HERC1: variants seen among roughly 807,000 people sequenced by gnomAD.
The protein encoded by HERC1 is HECT and RLD domain containing E3 ubiquitin protein ligase family member 1.
A neutral mutation model predicts 554.3 loss-of-function variants in HERC1; 160 were observed. The ratio of observed to expected loss-of-function variants is 0.29; its 90% CI spans 0.25 to 0.33. HERC1 has a LOEUF of 0.33. Among genes scored for constraint, HERC1 ranks in the 10% least tolerant of loss-of-function variants. The probability of loss-of-function intolerance (pLI) is 1.00; values close to 1 mark genes in which losing one functional copy is unlikely to be tolerated. For missense variants in HERC1, 4,919 were observed against 5,918.5 expected, an observed-to-expected ratio of 0.83 and a Z score of 5.54; for synonymous variants, 2,175 against 2,131.7, an observed-to-expected ratio of 1.02 and a Z score of -0.56.
Position 63,680,119 on chromosome 15 carries a change from C to A in HERC1, c.6507G>T (p.Leu2169Phe). The change falls in exon 36 of 78, where the codon TTG becomes TTT. Residue 2169 changes from leucine to phenylalanine, a missense_variant. Physicochemically the swap from Leu to Phe is conservative, Grantham distance 22 (BLOSUM62 0). Coordinates refer to ENST00000443617, the MANE Select transcript of HERC1 (RefSeq NM_003922.4). The surrounding 1 kb of genome is among the most constrained non-coding windows in gnomAD (Gnocchi z 5.8). ...LAFEDVDAAE[L>F]YPCVMFYSSN... The stretch of plus-strand genomic sequence containing the variant: ...TACTATAGAACATCACACATGGGTA[C>A]AACTCTGCTGCATCCACATCTTCAA... 6.2e-7 allele frequency: 1 copy of A among 1,613,368 alleles called. No homozygotes were observed. The highest frequency in any genetic ancestry group is 8.5e-7 in the Non-Finnish European group (1 of 1,179,498).
intron 1 of HERC1, among the ~76,000 whole-genome samples, chr15:63,784,409 A>C (rs1254892999): frequency 6.6e-6 from 1 of 152,192 alleles, no homozygotes; most frequent in Admixed American, 6.5e-5. Context: ...TGTATACTGT[A>C]ATAGTTCATA....
At chr15:63,671,233 G>A (rs1369723029) in intron 39 of HERC1, among the ~76,000 whole-genome samples, 3 of 150,756 alleles carry the variant, frequency 2.0e-5, no homozygotes, top group Non-Finnish European at 4.4e-5. Context: ...TTAGCTGGGT[G>A]TGGTGGTACA....
intron 2 of HERC1, among the ~76,000 whole-genome samples, chr15:63,768,550 G>A (rs2075853254): frequency 6.6e-6 from 1 of 152,162 alleles, no homozygotes; most frequent in Admixed American, 6.5e-5. Flanking sequence ...GAGAAAAATC[G>A]CAATTGTGAT....
intron 38 of HERC1, among the ~76,000 whole-genome samples, 166 bp downstream of exon 38, chr15:63,674,176 T>C (rs1595942725): frequency 6.6e-6 from 1 of 150,464 alleles, no homozygotes; most frequent in Non-Finnish European, 1.5e-5. Context: ...AATAGAAAAA[T>C]AATAAAAAAG....
intron 74 of HERC1, 52 bp downstream of exon 74, chr15:63,622,763 G>A (rs2068139839): frequency 1.5e-6 from 2 of 1,350,592 alleles, no homozygotes; most frequent in South Asian, 1.3e-5. Flanking sequence ...CAATAAATGT[G>A]AGCTATTATT....
At chr15:63,742,725 ATTGT>A (rs1485666985) in intron 12 of HERC1, among the ~76,000 whole-genome samples, 1 of 151,972 alleles carries the variant, frequency 6.6e-6, no homozygotes, top group African/African-American at 2.4e-5. Context: ...AGATAATCAC[ATTGT>A]TTTTGTTCAT....
At chr15:63,674,235 AAAT>A in intron 38 of HERC1, 104 bp downstream of exon 38, 5 of 967,114 alleles carry the variant, frequency 5.2e-6, no homozygotes, top group Non-Finnish European at 7.2e-6. Flanking sequence ...ACCAAAAAAA[AAAT>A]TTTTTTTTTT....
At chr15:63,769,961 T>C (rs967256374) in intron 2 of HERC1, among the ~76,000 whole-genome samples, 2 of 152,180 alleles carry the variant, frequency 1.3e-5, no homozygotes, top group African/African-American at 2.4e-5. Flanking sequence ...TTTGTCTGCT[T>C]AAGATATTCA....
intron 71 of HERC1, among the ~76,000 whole-genome samples, chr15:63,624,590 G>C (rs189420352): frequency 6.6e-6 from 1 of 152,278 alleles, no homozygotes; most frequent in African/African-American, 2.4e-5. Context: ...AGTTACTCAG[G>C]AGGCTGAGGT....
chr15:63,648,670 T>C (rs1273921848), intron 54 of HERC1, among the ~76,000 whole-genome samples: 2 of 152,208 alleles, frequency 1.3e-5, no homozygotes, highest in East Asian at 1.9e-4. Context: ...TCTACTTGTT[T>C]CTTCAAGTAT....
chr15:63,820,346 T>A (rs531086424), intron 1 of HERC1, among the ~76,000 whole-genome samples: 2 of 152,330 alleles, frequency 1.3e-5, no homozygotes, highest in Admixed American at 6.5e-5. Flanking sequence ...ACTGACTAAA[T>A]TTCATTATAC....
chr15:63,744,186 CTCTCTCTCTCTG>C (rs2074966587), intron 12 of HERC1, among the ~76,000 whole-genome samples: 1 of 150,202 alleles, frequency 6.7e-6, no homozygotes. Flanking sequence ...CTCTCTCTCT[CTCTCTCTCTCTG>C]TCTCTCCTCA....
intron 12 of HERC1, among the ~76,000 whole-genome samples, chr15:63,743,263 C>CTTTTTTTT (rs71131177): frequency 1.8e-3 from 191 of 109,056 alleles, no homozygotes; most frequent in Non-Finnish European, 2.3e-3. Flanking sequence ...TTTTCTTTTT[C>CTTTTTTTT]TTTTTTTTTT....
At chr15:63,726,339 G>A (rs1257079501) in intron 17 of HERC1, among the ~76,000 whole-genome samples, 1 of 152,010 alleles carries the variant, frequency 6.6e-6, no homozygotes, top group Admixed American at 6.6e-5. Flanking sequence ...TTCACGAAAT[G>A]ACAGCTATAA....
At chr15:63,722,593 G>A (rs1029642106) in intron 19 of HERC1, among the ~76,000 whole-genome samples, 6 of 152,112 alleles carry the variant, frequency 3.9e-5, no homozygotes, top group South Asian at 2.1e-4. Context: ...GAAATCTCAC[G>A]AAGTCACTTA....
At position 63,694,663 on chromosome 15, in the gene HERC1, C is replaced by A; in HGVS notation, c.5242+111G>T. 6.8e-7 allele frequency: 1 copy of A among 1,470,804 alleles called. No homozygotes were observed. Among genetic ancestry groups the A allele is most frequent in the Non-Finnish European group, 9.5e-7 (1 of 1,055,284 alleles). The allele number at this position is 1,470,804 out of a possible 1,614,324, so 91.1% of individuals were successfully genotyped here. A position where few individuals can be genotyped will look rare whatever the true frequency, so the allele number is the denominator to read the frequency against. ...GAAACACTAAATTATTTATTCTTTA[C>A]CTATAAGTTTATCTACTAATGTTAA... On this transcript the variant is annotated intron_variant, in intron 28 of 77. Coordinates refer to ENST00000443617, the MANE Select transcript of HERC1 (RefSeq NM_003922.4). This position sits in a 1 kb window ranked among gnomAD's most constrained non-coding sequence, Gnocchi z 4.3.
chr15:63,833,794 A>ACACACACACACACACACAC, intron 1 of HERC1, 33 bp downstream of exon 1: 1 of 137,460 alleles, frequency 7.3e-6, no homozygotes, highest in African/African-American at 3.1e-5. Flanking sequence ...CACACACAGG[A>ACACACACACACACACACAC]CCAGGAGGAC....
At chr15:63,655,700 A>G (rs1466589632) in intron 50 of HERC1, 42 bp downstream of exon 50, 1 of 1,277,788 alleles carries the variant, frequency 7.8e-7, no homozygotes, top group South Asian at 1.4e-5. Context: ...AAAAATAAGA[A>G]GTCGATTAGA....
chr15:63,673,538 T>C (rs548393325), intron 38 of HERC1, among the ~76,000 whole-genome samples: 1 of 152,220 alleles, frequency 6.6e-6, no homozygotes. Context: ...ACCCAACACA[T>C]AGTAGGTACT....
Sources: gnomAD v4.1 joint callset for allele counts (sites outside exome capture counted in the v4.1 genomes callset) on GRCh38, gnomAD v4.1.1 for gene constraint, Gnocchi (gnomAD v3.1) non-coding constraint, MANE v1.5 for transcripts, NCBI Gene and HGNC (gene_info 2026-07-23, HGNC 2026-07-21) for gene names.